Variants in ATP7B observed in about 807,000 individuals in gnomAD.
The protein encoded by ATP7B is copper-transporting ATPase 2.
A neutral mutation model predicts 118.9 loss-of-function variants in ATP7B; 113 were observed. That is an observed-to-expected ratio of 0.95 (90% CI 0.82 to 1.11). The LOEUF (loss-of-function observed/expected upper bound fraction) is 1.11. ATP7B is among the 50% of genes most tolerant of loss of function. ATP7B has a pLI of 0.00. For missense variants in ATP7B, 1,867 were observed against 1,871.4 expected (o/e 1.00, Z 0.04); for synonymous variants, 777 against 727.4 (o/e 1.07, Z -1.10).
intron 12 of ATP7B, among the ~76,000 whole-genome samples, chr13:51,946,758 T>C (rs1957692348): frequency 1.3e-5 from 2 of 152,188 alleles, no homozygotes; most frequent in Non-Finnish European, 2.9e-5. Flanking sequence ...ACTCTGGAGA[T>C]GGACCACACA....
chr13:51,963,262 T>C (rs1958868165), intron 5 of ATP7B, among the ~76,000 whole-genome samples: 1 of 152,196 alleles, frequency 6.6e-6, no homozygotes, highest in African/African-American at 2.4e-5. Context: ...CAAAGGCCAC[T>C]GAGCTCGGAA....
At chr13:51,996,836 C>G (rs1381574522) in intron 1 of ATP7B, among the ~76,000 whole-genome samples, 4 of 152,212 alleles carry the variant, frequency 2.6e-5, no homozygotes, top group Admixed American at 6.5e-5. Flanking sequence ...CTAAAGCACA[C>G]GCTGAGCAAC....
chr13:51,949,708 A>G lies in ATP7B; in HGVS notation c.2819T>C (p.Ile940Thr), dbSNP rs746619759. 7 of 1,614,166 alleles carry G rather than the reference A, an allele frequency of 4.3e-6. No individual in the cohort carries two copies. The South Asian group carries it at 7.7e-5, about 18-fold the overall frequency. Residue 940 changes from isoleucine (I) to threonine (T), a missense_variant, in exon 12 of 21, where the codon ATT becomes ACT. Coordinates refer to ENST00000242839, the MANE Select transcript of ATP7B (RefSeq NM_000053.4). ...ACCAAAATCGATAAAACCGATTACA[A>G]TCCATACCACCAACGTCAAAGTTGA... Reference protein sequence around the residue: ...IMSTLTLVVWIVIGFIDFGVV... With the variant: ...IMSTLTLVVWTVIGFIDFGVV...
rs751677241 is a variant in ATP7B at position 51,934,830 on chromosome 13, T to C, written c.4324A>G (p.Ser1442Gly). Residue 1442 changes from serine (S) to glycine (G), a missense_variant, in exon 21 of 21, where the codon AGC becomes GGC. Ser to Gly is a moderately conservative substitution (Grantham distance 56, BLOSUM62 0). Transcript: ENST00000242839. ...TCCCCATCATCGTCTGCTGCAGCGC[T>C]GTGCCGAGATGGCTTGTCGGACGTC... is the stretch of plus-strand genomic sequence containing the variant. Reference protein sequence around the residue: ...SLTSDKPSRHSAAADDDGDKW... With the variant: ...SLTSDKPSRHGAAADDDGDKW... 6.2e-7 allele frequency: 1 copy of C among 1,614,230 alleles called. No homozygotes were observed. Among genetic ancestry groups the C allele is most frequent in the Non-Finnish European group, 8.5e-7 (1 of 1,180,042 alleles).
intron 1 of ATP7B, among the ~76,000 whole-genome samples, chr13:52,011,070 T>C (rs140049327): frequency 0.012 from 1,857 of 152,312 alleles, 38 homozygotes; most frequent in African/African-American, 0.043. Context: ...TAAAGATGAA[T>C]TTTGAGGTGC....
At chr13:51,995,501 AG>A (rs1452459502) in intron 1 of ATP7B, among the ~76,000 whole-genome samples, 1 of 152,184 alleles carries the variant, frequency 6.6e-6, no homozygotes, top group Non-Finnish European at 1.5e-5. Flanking sequence ...CAGAGTTGCC[AG>A]GAAGGACTGC....
chr13:51,970,366 C>T (rs1651048392), intron 3 of ATP7B, 126 bp downstream of exon 3: 7 of 1,318,324 alleles, frequency 5.3e-6, no homozygotes, highest in Non-Finnish European at 7.6e-6. Context: ...AACATTTATG[C>T]TATATAATGA....
At chr13:51,942,364 C>T in intron 15 of ATP7B, 22 bp downstream of exon 15, 3 of 1,613,600 alleles carry the variant, frequency 1.9e-6, no homozygotes, top group Non-Finnish European at 2.5e-6. Context: ...TAACCAGCTG[C>T]AGAGACAAAA....
chr13:51,950,174 A>ACCT lies in ATP7B; in HGVS notation c.2576-14_2576-13insAGG. 6.2e-7 allele frequency: 1 copy of ACCT among 1,614,182 alleles called. No homozygotes were observed. The highest frequency in any genetic ancestry group is 2.2e-5 in the East Asian group (1 of 44,878). On this transcript the variant is annotated splice_polypyrimidine_tract_variant and intron_variant, in intron 10 of 20. Coordinates refer to ENST00000242839, the MANE Select transcript of ATP7B (RefSeq NM_000053.4). ...GGCATGGCTTCTCCTAGACGTAGGAAAGAGACAACTGTCACTTGCTCAGCC... is the reference window on the plus strand; with the variant it reads ...GGCATGGCTTCTCCTAGACGTAGGAACCTAGAGACAACTGTCACTTGCTCAGCC...
chr13:52,010,014 C>T (rs977132257), intron 1 of ATP7B, among the ~76,000 whole-genome samples: 1 of 152,068 alleles, frequency 6.6e-6, no homozygotes, highest in African/African-American at 2.4e-5. Context: ...GAAGACAGGT[C>T]AACATGGGCA....
intron 8 of ATP7B, 193 bp from the exon 9 acceptor site, chr13:51,957,800 C>T (rs1958454418): frequency 1.6e-6 from 1 of 620,382 alleles, no homozygotes; most frequent in Non-Finnish European, 2.9e-6. Context: ...CACAGTGATG[C>T]ACAGTGCCTG....
At chr13:51,986,172 A>G (rs1566634062) in intron 1 of ATP7B, among the ~76,000 whole-genome samples, 1 of 152,216 alleles carries the variant, frequency 6.6e-6, no homozygotes, top group Non-Finnish European at 1.5e-5. Context: ...CGCTAGCCAG[A>G]CTAATAAAGA....
intron 1 of ATP7B, among the ~76,000 whole-genome samples, chr13:52,005,787 T>C (rs1953738629): frequency 6.6e-6 from 1 of 152,244 alleles, no homozygotes; most frequent in African/African-American, 2.4e-5. Flanking sequence ...CACTTCTTGG[T>C]ACCAATTTCT....
In ATP7B at chr13:51,934,579, C is replaced by T; in HGVS notation, c.*177G>A. On this transcript the variant is annotated 3_prime_UTR_variant, in exon 21 of 21. Transcript: ENST00000242839. ...GCAGGCAGGGCCGTCCTCTCCAGGC[C>T]AAGCCCAGCTGCACCCAGACAAGGC... 1 of 1,072,306 alleles carries T rather than the reference C, an allele frequency of 9.3e-7. No homozygotes were observed. 66.4% of individuals were successfully genotyped at this position (1,072,306 alleles called of 1,614,324 possible). A position where few individuals can be genotyped will look rare whatever the true frequency, so the allele number is the denominator to read the frequency against.
chr13:51,996,158 G>T (rs2140442061), intron 1 of ATP7B, among the ~76,000 whole-genome samples: 1 of 152,304 alleles, frequency 6.6e-6, no homozygotes, highest in South Asian at 2.1e-4. Flanking sequence ...AAAGTTCCAT[G>T]TTTCCTGTAG....
chr13:51,937,120 C>T (rs1429064609), intron 19 of ATP7B, among the ~76,000 whole-genome samples, 156 bp downstream of exon 19: 1 of 144,838 alleles, frequency 6.9e-6, no homozygotes, highest in Admixed American at 7.1e-5. Flanking sequence ...CATTTAAAGA[C>T]ATATAAAGCA....
At chr13:51,936,239 G>A (rs1956952425) in intron 19 of ATP7B, among the ~76,000 whole-genome samples, 1 of 152,192 alleles carries the variant, frequency 6.6e-6, no homozygotes, top group Non-Finnish European at 1.5e-5. Flanking sequence ...GGGGAATTAA[G>A]CTCCTGAGCC....
upstream of ATP7B, chr13:52,012,000 G>T (rs1381095100): frequency 5.9e-6 from 2 of 336,848 alleles, no homozygotes; most frequent in Non-Finnish European, 1.1e-5. Flanking sequence ...AAGCAACCGC[G>T]GCAAGAGTGA....
intron 9 of ATP7B, among the ~76,000 whole-genome samples, chr13:51,953,384 G>A (rs141481545): frequency 5.3e-5 from 8 of 152,324 alleles, no homozygotes; most frequent in Admixed American, 1.3e-4. Context: ...TAATCACTAA[G>A]TTTTAAAATG....
Sources: gnomAD v4.1 joint callset for allele counts (sites outside exome capture counted in the v4.1 genomes callset) on GRCh38, gnomAD v4.1.1 for gene constraint, MANE v1.5 for transcripts, NCBI Gene and HGNC (gene_info 2026-07-23, HGNC 2026-07-21) for gene names.